Variants in SGCZ observed in about 807,000 individuals in gnomAD.
The protein encoded by SGCZ is sarcoglycan zeta, also known as zeta-sarcoglycan.
Under a neutral mutation model 41.3 loss-of-function variants are expected in SGCZ, and 40 were observed. The observed-to-expected ratio is 0.97, with a 90% CI of 0.75 to 1.26. The LOEUF is 1.26. Among genes scored for constraint, SGCZ ranks in the 50% most tolerant of loss-of-function variants. The pLI, the probability that SGCZ is intolerant of heterozygous loss-of-function variation, is 0.00. For synonymous variants in SGCZ, 206 were observed against 137.5 expected, an observed-to-expected ratio of 1.50 and a Z score of -3.49; for missense variants, 552 against 369.8, an observed-to-expected ratio of 1.49 and a Z score of -4.04.
intron 1 of SGCZ, among the ~76,000 whole-genome samples, chr8:14,698,720 C>A (rs908126206): frequency 2.6e-5 from 4 of 151,884 alleles, no homozygotes; most frequent in Admixed American, 2.6e-4. Context: ...TAAATCAGCA[C>A]AAGTATGTTG....
chr8:14,788,178 G>A (rs1800832640), intron 1 of SGCZ, among the ~76,000 whole-genome samples: 1 of 152,106 alleles, frequency 6.6e-6, no homozygotes, highest in African/African-American at 2.4e-5. Flanking sequence ...TTTCCCTGGG[G>A]ATAAAGGACT....
chr8:15,058,559 G>A (rs906723298), intron 1 of SGCZ, among the ~76,000 whole-genome samples: 2 of 152,164 alleles, frequency 1.3e-5, no homozygotes, highest in South Asian at 4.1e-4. Flanking sequence ...CATTTCAACA[G>A]ATTTGTCAAA....
chr8:15,039,112 G>C (rs2130973403), intron 1 of SGCZ, among the ~76,000 whole-genome samples: 1 of 152,176 alleles, frequency 6.6e-6, no homozygotes, highest in Admixed American at 6.5e-5. Context: ...ATATGATCCA[G>C]CAACTCACTA....
intron 1 of SGCZ, among the ~76,000 whole-genome samples, chr8:14,723,362 G>A (rs1809951671): frequency 6.6e-6 from 1 of 152,202 alleles, no homozygotes; most frequent in African/African-American, 2.4e-5. Flanking sequence ...TGGGACTGGG[G>A]CACTGCCCAC....
intron 1 of SGCZ, among the ~76,000 whole-genome samples, chr8:14,847,292 A>G (rs1416427513): frequency 1.3e-5 from 2 of 152,158 alleles, no homozygotes; most frequent in African/African-American, 4.8e-5. Context: ...TGCTGATATG[A>G]AGACTTGATA....
intron 1 of SGCZ, among the ~76,000 whole-genome samples, chr8:14,991,553 T>C (rs1032504680): frequency 6.6e-6 from 1 of 152,162 alleles, no homozygotes; most frequent in Non-Finnish European, 1.5e-5. Context: ...TTTCCTTGAA[T>C]ATTATCAAAG....
At chr8:14,182,189 A>G (rs940399589) in intron 4 of SGCZ, among the ~76,000 whole-genome samples, 4 of 152,174 alleles carry the variant, frequency 2.6e-5, no homozygotes, top group Non-Finnish European at 2.9e-5. Flanking sequence ...CAAAATCTAG[A>G]GAACAGTATG....
chr8:14,469,627 G>C (rs1801153333), intron 2 of SGCZ, among the ~76,000 whole-genome samples: 1 of 151,930 alleles, frequency 6.6e-6, no homozygotes, highest in Non-Finnish European at 1.5e-5. Context: ...GGTAGCTTCA[G>C]GATGGGACTT....
chr8:15,186,908 C>T (rs1212318758), intron 1 of SGCZ, among the ~76,000 whole-genome samples: 3 of 152,110 alleles, frequency 2.0e-5, no homozygotes, highest in South Asian at 4.1e-4. Flanking sequence ...TATTCAACAG[C>T]AATGCCTCTG....
At chr8:14,200,506 T>C (rs1389712645) in intron 4 of SGCZ, among the ~76,000 whole-genome samples, 2 of 152,088 alleles carry the variant, frequency 1.3e-5, no homozygotes, top group African/African-American at 4.8e-5. Context: ...GACTGACCAA[T>C]CGACCAATAG....
intron 1 of SGCZ, among the ~76,000 whole-genome samples, chr8:14,747,473 A>T (rs1799368319): frequency 2.0e-5 from 3 of 152,102 alleles, no homozygotes; most frequent in Non-Finnish European, 2.9e-5. Flanking sequence ...TAACACATAT[A>T]CTTATATCCG....
chr8:14,890,346 A>C (rs1804967036), intron 1 of SGCZ, among the ~76,000 whole-genome samples: 1 of 152,226 alleles, frequency 6.6e-6, no homozygotes, highest in Non-Finnish European at 1.5e-5. Context: ...GTGTTACTCT[A>C]GTGAAAACAT....
At chr8:14,677,685 C>T (rs1047721152) in intron 1 of SGCZ, among the ~76,000 whole-genome samples, 12 of 152,056 alleles carry the variant, frequency 7.9e-5, no homozygotes, top group Non-Finnish European at 1.6e-4. Context: ...GCAAGAGAAT[C>T]GCTTGAACCT....
At chr8:14,752,251 C>T (rs1202002860) in intron 1 of SGCZ, among the ~76,000 whole-genome samples, 1 of 151,386 alleles carries the variant, frequency 6.6e-6, no homozygotes, top group Non-Finnish European at 1.5e-5. Flanking sequence ...TGCAGCTGAA[C>T]GTTTCCTGTG....
intron 5 of SGCZ, among the ~76,000 whole-genome samples, chr8:14,127,714 C>T (rs981168209): frequency 2.0e-5 from 3 of 152,150 alleles, no homozygotes; most frequent in African/African-American, 7.2e-5. Context: ...CCTCAGCCTC[C>T]CAAAGTGCTG....
At chr8:14,312,323 A>G (rs562764922) in intron 3 of SGCZ, among the ~76,000 whole-genome samples, 18 of 151,882 alleles carry the variant, frequency 1.2e-4, no homozygotes, top group African/African-American at 4.1e-4. Flanking sequence ...AGTTTTGGGG[A>G]AAAAAAGTAA....
At chr8:14,503,260 G>T (rs1348279438) in intron 2 of SGCZ, among the ~76,000 whole-genome samples, 1 of 151,948 alleles carries the variant, frequency 6.6e-6, no homozygotes, top group Non-Finnish European at 1.5e-5. Flanking sequence ...AACATATGGG[G>T]ACAGGGAGGG....
chr8:15,067,178 T>C (rs1028135506), intron 1 of SGCZ, among the ~76,000 whole-genome samples: 1 of 152,174 alleles, frequency 6.6e-6, no homozygotes, highest in Non-Finnish European at 1.5e-5. Flanking sequence ...TTTATTTCCA[T>C]ATAGGATCCT....
intron 5 of SGCZ, among the ~76,000 whole-genome samples, chr8:14,123,849 T>G (rs1038458896): frequency 8.5e-5 from 13 of 152,156 alleles, no homozygotes; most frequent in Non-Finnish European, 7.3e-5. Flanking sequence ...CTCATTGGAT[T>G]ATCTTAAAAA....
Sources: gnomAD v4.1 joint callset for allele counts (sites outside exome capture counted in the v4.1 genomes callset) on GRCh38, gnomAD v4.1.1 for gene constraint, MANE v1.5 for transcripts, NCBI Gene and HGNC (gene_info 2026-07-23, HGNC 2026-07-21) for gene names.